The following DGKB variants were observed in gnomAD, a reference collection of about 807,000 sequenced individuals.
DGKB encodes diacylglycerol kinase beta.
In DGKB, 67 loss-of-function variants were observed where a neutral mutation model predicts 114.3. The observed-to-expected ratio is 0.59, with a 90% CI of 0.48 to 0.72. The LOEUF (loss-of-function observed/expected upper bound fraction) is 0.72. Ranked by LOEUF, DGKB falls within the 30% of genes least tolerant of loss-of-function variation. The pLI is 0.00. For missense variants in DGKB, 907 were observed against 975.2 expected, an observed-to-expected ratio of 0.93 and a Z score of 0.93; for synonymous variants, 398 against 323.1, an observed-to-expected ratio of 1.23 and a Z score of -2.49.
At chr7:14,328,856 T>A (rs1057223801) in intron 23 of DGKB, among the ~76,000 whole-genome samples, 7 of 152,020 alleles carry the variant, frequency 4.6e-5, no homozygotes, top group Non-Finnish European at 1.5e-5. Context: ...CTGATTAATA[T>A]CTGATACTGT....
At chr7:14,551,360 T>C (rs902256042) in intron 20 of DGKB, among the ~76,000 whole-genome samples, 3 of 152,224 alleles carry the variant, frequency 2.0e-5, no homozygotes, top group African/African-American at 7.2e-5. Context: ...TGGCTTTCAC[T>C]TTTTACACAG....
chr7:14,189,324 A>AC (rs1562571730), intron 23 of DGKB, among the ~76,000 whole-genome samples: 5 of 151,950 alleles, frequency 3.3e-5, no homozygotes, highest in African/African-American at 1.2e-4. Context: ...ACCAAAGTTA[A>AC]GTTGCCATCA....
intron 20 of DGKB, among the ~76,000 whole-genome samples, chr7:14,547,378 G>T (rs954623400): frequency 9.2e-5 from 14 of 152,130 alleles, no homozygotes; most frequent in African/African-American, 3.4e-4. Flanking sequence ...GGAATAAAAT[G>T]AAAATGTATG....
At chr7:14,329,736 A>G (rs1262602253) in intron 23 of DGKB, among the ~76,000 whole-genome samples, 1 of 151,976 alleles carries the variant, frequency 6.6e-6, no homozygotes, top group Non-Finnish European at 1.5e-5. Context: ...CAGGCTTTAT[A>G]TTTAGGAAAT....
intron 23 of DGKB, among the ~76,000 whole-genome samples, chr7:14,212,767 T>C (rs975731516): frequency 7.2e-5 from 11 of 152,090 alleles, no homozygotes; most frequent in Non-Finnish European, 1.5e-5. Flanking sequence ...ATACTTTTTT[T>C]TCTAAAGTAC....
chr7:14,424,789 G>T (rs1017423770), intron 21 of DGKB, among the ~76,000 whole-genome samples: 4 of 152,014 alleles, frequency 2.6e-5, no homozygotes, highest in Admixed American at 2.0e-4. Context: ...TAATTGCCCA[G>T]ATCACACAGC....
intron 1 of DGKB, among the ~76,000 whole-genome samples, chr7:14,940,262 A>C (rs68016760): frequency 4.6e-5 from 7 of 152,038 alleles, no homozygotes; most frequent in African/African-American, 1.7e-4. Context: ...AGGGCATGTG[A>C]CAGTTTTTTA....
intron 1 of DGKB, among the ~76,000 whole-genome samples, chr7:14,899,534 A>C (rs1028080934): frequency 1.3e-5 from 2 of 152,046 alleles, no homozygotes; most frequent in African/African-American, 4.8e-5. Flanking sequence ...GCCTTCCACT[A>C]TATGATTCCC....
intron 1 of DGKB, among the ~76,000 whole-genome samples, chr7:14,882,173 T>A (rs1356311658): frequency 6.6e-6 from 1 of 152,008 alleles, no homozygotes; most frequent in East Asian, 1.9e-4. Flanking sequence ...AGTGAGAAAG[T>A]AAATATGGAT....
At chr7:14,660,575 T>G (rs1276214470) in intron 13 of DGKB, among the ~76,000 whole-genome samples, 1 of 151,744 alleles carries the variant, frequency 6.6e-6, no homozygotes, top group African/African-American at 2.4e-5. Context: ...ATCCCCTTTA[T>G]CATTTTTATT....
intron 21 of DGKB, among the ~76,000 whole-genome samples, chr7:14,399,473 T>C (rs996376612): frequency 6.6e-6 from 1 of 151,784 alleles, no homozygotes; most frequent in East Asian, 1.9e-4. Flanking sequence ...ATTTTATTAA[T>C]AACAATACTT....
intron 2 of DGKB, among the ~76,000 whole-genome samples, chr7:14,829,261 C>T (rs1271849274): frequency 2.0e-5 from 3 of 152,150 alleles, no homozygotes; most frequent in African/African-American, 7.2e-5. Flanking sequence ...TTCATTACCA[C>T]TTATGGAAGA....
At chr7:14,689,210 T>TTTTTTA (rs1822335864) in intron 9 of DGKB, among the ~76,000 whole-genome samples, 1 of 127,366 alleles carries the variant, frequency 7.9e-6, no homozygotes, top group African/African-American at 2.7e-5. Context: ...TTTTTTTTTT[T>TTTTTTA]TTTTTTTTTT....
intron 1 of DGKB, among the ~76,000 whole-genome samples, chr7:14,951,214 A>T (rs1423328047): frequency 6.6e-6 from 1 of 151,982 alleles, no homozygotes; most frequent in Non-Finnish European, 1.5e-5. Context: ...TGCTGTTTCC[A>T]CTTCTACTCC....
chr7:14,702,706 T>C lies in DGKB; in HGVS notation c.467-976A>G, dbSNP rs921962641. 5.3e-5 allele frequency among the ~76,000 whole-genome samples: 8 copies of C among 152,156 alleles called. No homozygotes were observed. In the South Asian group the frequency reaches 1.7e-3, roughly 32 times the overall value. ...TCCTGAATGATCTTGATGTCTGAAG[T>C]CTATAATATTAATAAAGATGTTGAT... is the stretch of plus-strand genomic sequence containing the variant. On this transcript the variant is annotated intron_variant, in intron 6 of 25. Coordinates refer to ENST00000402815, the MANE Select transcript of DGKB (RefSeq NM_001350709.2).
At chr7:14,432,078 A>T (rs1312805485) in intron 21 of DGKB, among the ~76,000 whole-genome samples, 1 of 152,144 alleles carries the variant, frequency 6.6e-6, no homozygotes, top group African/African-American at 2.4e-5. Context: ...TTACATTTTT[A>T]TTTCTGTTGA....
rs909261385 is a variant in DGKB at position 14,823,724 on chromosome 7, T to C, written c.70+17470A>G. On this transcript the variant is annotated intron_variant, in intron 2 of 25. Coordinates refer to ENST00000402815, the MANE Select transcript of DGKB (RefSeq NM_001350709.2). ...AAAACATCTTAGAAGAAAGTGAGGC[T>C]AAAGGTATTACATTTTTCCCTGCTT... is the stretch of plus-strand genomic sequence containing the variant. 3.3e-5 allele frequency among the ~76,000 whole-genome samples: 5 copies of C among 152,120 alleles called. No homozygotes were observed. The South Asian group carries it at 6.2e-4, about 19-fold the overall frequency.
intron 1 of DGKB, among the ~76,000 whole-genome samples, chr7:14,872,414 G>T (rs1852610772): frequency 6.6e-6 from 1 of 152,160 alleles, no homozygotes; most frequent in Non-Finnish European, 1.5e-5. Context: ...TGGCATATGT[G>T]ATGAAAACTA....
intron 1 of DGKB, among the ~76,000 whole-genome samples, chr7:14,853,183 G>A (rs1849636507): frequency 6.6e-6 from 1 of 152,110 alleles, no homozygotes; most frequent in Non-Finnish European, 1.5e-5. Context: ...GATATTTGAT[G>A]TCTGCACTGA....
Sources: allele counts gnomAD v4.1 joint callset (sites outside exome capture counted in the v4.1 genomes callset), GRCh38; gene constraint gnomAD v4.1.1; transcripts MANE v1.5; gene names NCBI Gene and HGNC (gene_info 2026-07-23, HGNC 2026-07-21).